PCSK5: variants seen among roughly 807,000 people sequenced by gnomAD.
PCSK5 encodes proprotein convertase subtilisin/kexin type 5, also known as prohormone convertase 5.
A neutral mutation model predicts 233.2 loss-of-function variants in PCSK5; 129 were observed. The ratio of observed to expected loss-of-function variants is 0.55; its 90% CI spans 0.48 to 0.64. PCSK5 has a LOEUF of 0.64. Ranked by LOEUF, PCSK5 falls within the 30% of genes least tolerant of loss-of-function variation. PCSK5 has a pLI of 0.00. For synonymous variants in PCSK5, 825 were observed against 879.2 expected (o/e 0.94, Z 1.09); for missense variants, 2,076 against 2,430.1 (o/e 0.85, Z 3.06).
chr9:76,334,615 C>G (rs1221314834), intron 34 of PCSK5, among the ~76,000 whole-genome samples: 1 of 152,190 alleles, frequency 6.6e-6, no homozygotes, highest in Non-Finnish European at 1.5e-5. Context: ...CCTGTCATCC[C>G]AGCTACTTGG....
intron 20 of PCSK5, among the ~76,000 whole-genome samples, chr9:76,203,100 T>G (rs1824980276): frequency 6.6e-6 from 1 of 152,162 alleles, no homozygotes; most frequent in Non-Finnish European, 1.5e-5. Flanking sequence ...CACCTCAGTT[T>G]CCCCTTCTTC....
At chr9:76,046,601 C>T (rs1276391657) in intron 5 of PCSK5, among the ~76,000 whole-genome samples, 5 of 129,824 alleles carry the variant, frequency 3.9e-5, no homozygotes, top group Non-Finnish European at 6.3e-5. Flanking sequence ...GGCTCTGTTG[C>T]CCAGGCTGGA....
intron 5 of PCSK5, among the ~76,000 whole-genome samples, chr9:76,031,568 G>T (rs1352219819): frequency 6.6e-6 from 1 of 151,958 alleles, no homozygotes; most frequent in Non-Finnish European, 1.5e-5. Flanking sequence ...ATGCACCTGT[G>T]GTCCCAGAAA....
chr9:76,292,361 A>G, intron 25 of PCSK5, 86 bp downstream of exon 25: 1 of 873,744 alleles, frequency 1.1e-6, no homozygotes. Context: ...GATTAAAGCA[A>G]AGTGGCCCTG....
chr9:76,224,803 G>A (rs1222800307), intron 20 of PCSK5, among the ~76,000 whole-genome samples: 3 of 151,902 alleles, frequency 2.0e-5, no homozygotes, highest in Non-Finnish European at 4.4e-5. Context: ...GAAAGCCAAT[G>A]AGAAGGCAAA....
At chr9:76,064,779 C>T (rs1006436755) in intron 5 of PCSK5, among the ~76,000 whole-genome samples, 13 of 150,346 alleles carry the variant, frequency 8.6e-5, no homozygotes, top group South Asian at 2.1e-4. Context: ...GATGGGGCGG[C>T]GGGGCAGAGG....
rs1236381494 is a variant in PCSK5 at position 76,274,056 on chromosome 9, A to G, written c.3143-18177A>G. On this transcript the variant is annotated intron_variant, in intron 24 of 37. Coordinates refer to ENST00000674117, the MANE Select transcript of PCSK5 (RefSeq NM_001372043.1). ...CCATTCTCTCAGTTATCTCTTCGGAACTTTGACATTTTTTAGCCCTTCTCA... is the reference window on the plus strand; with the variant it reads ...CCATTCTCTCAGTTATCTCTTCGGAGCTTTGACATTTTTTAGCCCTTCTCA... Among the ~76,000 whole-genome samples the G allele has an allele frequency of 5.9e-5, 9 of 151,914 alleles. No homozygotes were observed. In the East Asian group the frequency reaches 1.5e-3, roughly 26 times the overall value.
chr9:76,243,717 C>G (rs1391114042), intron 24 of PCSK5, among the ~76,000 whole-genome samples: 1 of 152,142 alleles, frequency 6.6e-6, no homozygotes, highest in East Asian at 1.9e-4. Flanking sequence ...AGAACAAGCT[C>G]TTTGACTTAT....
Position 76,341,609 on chromosome 9 carries a change from A to G in PCSK5, c.4966+3162A>G, listed in dbSNP as rs567464921. Among the ~76,000 whole-genome samples the G allele has an allele frequency of 2.8e-4, 42 of 152,270 alleles. No individual in the cohort carries two copies. The East Asian group carries it at 5.8e-3, about 21-fold the overall frequency. On this transcript the variant is annotated intron_variant, in intron 35 of 37. Coordinates refer to ENST00000674117, the MANE Select transcript of PCSK5 (RefSeq NM_001372043.1). ...GCACTGGCCTGTCATCTTTCTTAGC[A>G]TTCATTTTATCTATATACTTTGGAA...
chr9:76,093,355 G>A (rs541126011), intron 7 of PCSK5, among the ~76,000 whole-genome samples: 401 of 151,938 alleles, frequency 2.6e-3, no homozygotes, highest in African/African-American at 9.3e-3. Context: ...TTGGCCTCCC[G>A]AAGGACTAGG....
chr9:76,271,088 C>G (rs1004050940), intron 24 of PCSK5, among the ~76,000 whole-genome samples: 2 of 152,116 alleles, frequency 1.3e-5, no homozygotes, highest in African/African-American at 4.8e-5. Flanking sequence ...TTCAGCTGCT[C>G]AAGCCAAAAC....
chr9:76,321,286 T>C, intron 30 of PCSK5, 136 bp from the exon 31 acceptor site: 1 of 601,856 alleles, frequency 1.7e-6, no homozygotes. Flanking sequence ...TTCACTTCCT[T>C]ATAAATCCCA....
intron 33 of PCSK5, among the ~76,000 whole-genome samples, chr9:76,329,545 A>G (rs953627164): frequency 1.3e-5 from 2 of 152,082 alleles, no homozygotes; most frequent in Admixed American, 1.3e-4. Context: ...TTAGAAAAAT[A>G]CAGTCTTGGC....
intron 9 of PCSK5, among the ~76,000 whole-genome samples, chr9:76,118,524 A>G (rs1369170285): frequency 6.6e-6 from 1 of 152,050 alleles, no homozygotes; most frequent in Non-Finnish European, 1.5e-5. Context: ...CAAGCATTCT[A>G]CTGATTTCAT....
chr9:76,068,093 T>C (rs1262694012), intron 6 of PCSK5, 50 bp downstream of exon 6: 1 of 1,249,726 alleles, frequency 8.0e-7, no homozygotes, highest in South Asian at 1.2e-5. Context: ...GTTAGCTCTT[T>C]GGCTGACTGG....
chr9:76,159,311 C>G, intron 12 of PCSK5, 140 bp downstream of exon 12: 2 of 687,118 alleles, frequency 2.9e-6, no homozygotes, highest in Non-Finnish European at 4.9e-6. Flanking sequence ...TCTCACTGCT[C>G]ATAAGTAGAG....
At chr9:76,142,828 T>C (rs1823280496) in intron 10 of PCSK5, among the ~76,000 whole-genome samples, 2 of 152,188 alleles carry the variant, frequency 1.3e-5, no homozygotes, top group African/African-American at 4.8e-5. Context: ...GACACTTCTT[T>C]TCTCTTCTTT....
intron 3 of PCSK5, among the ~76,000 whole-genome samples, chr9:76,007,637 C>T (rs1046422701): frequency 6.6e-6 from 1 of 151,920 alleles, no homozygotes; most frequent in East Asian, 1.9e-4. Context: ...TCATCACTTT[C>T]GTTTTTTGAG....
intron 24 of PCSK5, among the ~76,000 whole-genome samples, chr9:76,275,596 T>G (rs1252774630): frequency 6.6e-6 from 1 of 152,192 alleles, no homozygotes; most frequent in Admixed American, 6.5e-5. Flanking sequence ...GGCTAATTTT[T>G]GTATTTTTAG....
Sources: gnomAD v4.1 joint callset for allele counts (sites outside exome capture counted in the v4.1 genomes callset) on GRCh38, gnomAD v4.1.1 for gene constraint, MANE v1.5 for transcripts, NCBI Gene and HGNC (gene_info 2026-07-23, HGNC 2026-07-21) for gene names.